HMBOX1: variants seen among roughly 807,000 people sequenced by gnomAD.
The protein encoded by HMBOX1 is homeobox containing 1.
A neutral mutation model predicts 54.5 loss-of-function variants in HMBOX1; 14 were observed. That is an observed-to-expected ratio of 0.26 (90% CI 0.17 to 0.40). HMBOX1 has a LOEUF of 0.40. Ranked by LOEUF, HMBOX1 falls within the 10% of genes least tolerant of loss-of-function variation. The pLI, the probability that HMBOX1 is intolerant of heterozygous loss-of-function variation, is 1.00. For synonymous variants in HMBOX1, 160 were observed against 181.0 expected, an observed-to-expected ratio of 0.88 and a Z score of 0.93; for missense variants, 332 against 514.4, an observed-to-expected ratio of 0.65 and a Z score of 3.43.
intron 4 of HMBOX1, among the ~76,000 whole-genome samples, chr8:28,994,949 G>T (rs554582550): frequency 1.3e-5 from 2 of 152,090 alleles, no homozygotes; most frequent in Non-Finnish European, 2.9e-5. Flanking sequence ...TTAGAAGATT[G>T]AGGGATACTA....
At chr8:29,003,727 G>T (rs978516726) in intron 4 of HMBOX1, among the ~76,000 whole-genome samples, 2 of 151,406 alleles carry the variant, frequency 1.3e-5, no homozygotes, top group Non-Finnish European at 2.9e-5. Flanking sequence ...TTGAATTTTT[G>T]TAGACAATGC....
intron 4 of HMBOX1, among the ~76,000 whole-genome samples, chr8:28,998,158 G>A (rs925968909): frequency 2.0e-5 from 3 of 151,994 alleles, no homozygotes; most frequent in Non-Finnish European, 2.9e-5. Context: ...AATTATGTTC[G>A]TTTCATCTGG....
intron 5 of HMBOX1, among the ~76,000 whole-genome samples, chr8:29,010,562 A>AAT (rs1480078859): frequency 4.6e-5 from 7 of 151,858 alleles, no homozygotes; most frequent in Admixed American, 3.9e-4. Flanking sequence ...CTCAAAAAAA[A>AAT]AATATATATA....
intron 2 of HMBOX1, among the ~76,000 whole-genome samples, chr8:28,966,856 ACT>A (rs1826521461): frequency 1.3e-5 from 2 of 152,116 alleles, no homozygotes; most frequent in African/African-American, 2.4e-5. Context: ...GCATTAGGAA[ACT>A]CTCAGTGCAG....
intron 4 of HMBOX1, among the ~76,000 whole-genome samples, chr8:29,000,862 A>C (rs1327975556): frequency 4.6e-5 from 7 of 152,218 alleles, no homozygotes; most frequent in Non-Finnish European, 8.8e-5. Context: ...CCAAGTTAAA[A>C]TGTCACATGC....
At chr8:29,007,068 C>T (rs1156475215) in intron 4 of HMBOX1, among the ~76,000 whole-genome samples, 1 of 151,924 alleles carries the variant, frequency 6.6e-6, no homozygotes, top group East Asian at 1.9e-4. Flanking sequence ...GCGGGCGGAT[C>T]ACCTGAGGTC....
At chr8:28,992,702 C>T (rs1831162538) in intron 4 of HMBOX1, among the ~76,000 whole-genome samples, 1 of 151,656 alleles carries the variant, frequency 6.6e-6, no homozygotes, top group Non-Finnish European at 1.5e-5. Flanking sequence ...ATCCCCATCT[C>T]TACTAAAAAT....
intron 4 of HMBOX1, among the ~76,000 whole-genome samples, chr8:29,004,780 A>G (rs1250047361): frequency 2.0e-5 from 3 of 151,944 alleles, no homozygotes; most frequent in Non-Finnish European, 4.4e-5. Flanking sequence ...AAGTAGGGGG[A>G]AAGTTAGGGA....
In HMBOX1 at chr8:28,980,107, C is replaced by T; in HGVS notation, c.537C>T (p.Ala179=). The T allele has an allele frequency of 6.2e-7, 1 of 1,613,868 alleles. No homozygotes were observed. Among genetic ancestry groups the T allele is most frequent in the Non-Finnish European group, 8.5e-7 (1 of 1,179,802 alleles). The change falls in exon 4 of 10, where the codon GCC becomes GCT. Residue 179 remains alanine (A), a synonymous_variant. Transcript: ENST00000287701. ...DSSVIKEEIK[A]FLANRRISQA... The stretch of plus-strand genomic sequence containing the variant: ...GTGTGATAAAAGAGGAAATCAAAGC[C>T]TTTCTTGCCAATCGGAGGATTTCCC...
rs538701624 is a variant in HMBOX1, at chr8:29,000,494, A to G, written c.587-8578A>G. On this transcript the variant is annotated intron_variant, in intron 4 of 9. Coordinates refer to ENST00000287701, the MANE Select transcript of HMBOX1 (RefSeq NM_001135726.3). Reference sequence around the variant, plus strand: ...ACTTCTCTGTTGAAATATTTTGGTCAGCTTCTTGTTCACATCAGTTGTTGT... The same window carrying G: ...ACTTCTCTGTTGAAATATTTTGGTCGGCTTCTTGTTCACATCAGTTGTTGT... Among the ~76,000 whole-genome samples, 3 of 152,338 alleles carry G rather than the reference A, an allele frequency of 2.0e-5. No individual in the cohort carries two copies. In the South Asian group the frequency reaches 6.2e-4, roughly 32 times the overall value.
chr8:28,993,269 C>T (rs1399424478), intron 4 of HMBOX1, among the ~76,000 whole-genome samples: 1 of 151,994 alleles, frequency 6.6e-6, no homozygotes, highest in Non-Finnish European at 1.5e-5. Flanking sequence ...ATTTAGATTT[C>T]AATTTGATGA....
intron 1 of HMBOX1, among the ~76,000 whole-genome samples, chr8:28,955,547 A>C (rs1196433797): frequency 6.6e-6 from 1 of 152,084 alleles, no homozygotes; most frequent in Non-Finnish European, 1.5e-5. Flanking sequence ...AAATTCTACC[A>C]AAGTACTTGA....
At chr8:28,941,246 G>A (rs1164474912) in intron 1 of HMBOX1, among the ~76,000 whole-genome samples, 3 of 151,826 alleles carry the variant, frequency 2.0e-5, no homozygotes, top group Admixed American at 2.0e-4. Flanking sequence ...TGTTAACTCT[G>A]GTTAAAATGG....
At chr8:28,997,779 A>G (rs775279512) in intron 4 of HMBOX1, among the ~76,000 whole-genome samples, 2 of 152,036 alleles carry the variant, frequency 1.3e-5, no homozygotes, top group Non-Finnish European at 2.9e-5. Context: ...TTGAACTCCT[A>G]GCCTCAAGTG....
intron 4 of HMBOX1, among the ~76,000 whole-genome samples, chr8:28,980,396 G>A (rs1466866121): frequency 6.6e-6 from 1 of 152,088 alleles, no homozygotes; most frequent in Non-Finnish European, 1.5e-5. Context: ...TCCCTATTTT[G>A]TGGCTAGAAA....
At chr8:28,933,199 G>C (rs1185652639) in intron 1 of HMBOX1, among the ~76,000 whole-genome samples, 2 of 152,164 alleles carry the variant, frequency 1.3e-5, no homozygotes, top group Admixed American at 6.5e-5. Context: ...CCCACATGCA[G>C]ACACTCATCC....
intron 1 of HMBOX1, among the ~76,000 whole-genome samples, chr8:28,919,253 G>A (rs1259820218): frequency 6.6e-6 from 1 of 152,090 alleles, no homozygotes; most frequent in Non-Finnish European, 1.5e-5. Flanking sequence ...CTGTATCCAA[G>A]GGTTCTTCAT....
intron 4 of HMBOX1, among the ~76,000 whole-genome samples, chr8:28,990,934 G>A (rs1460333551): frequency 2.6e-5 from 4 of 152,114 alleles, no homozygotes; most frequent in African/African-American, 9.7e-5. Context: ...GATTACAGGC[G>A]TGAGCTGCTG....
At chr8:29,024,902 G>A (rs1801780323) in intron 6 of HMBOX1, among the ~76,000 whole-genome samples, 1 of 152,176 alleles carries the variant, frequency 6.6e-6, no homozygotes, top group South Asian at 2.1e-4. Context: ...TGTGAGATCA[G>A]CAGCAGCATT....
Sources: allele counts gnomAD v4.1 joint callset (sites outside exome capture counted in the v4.1 genomes callset), GRCh38; gene constraint gnomAD v4.1.1; transcripts MANE v1.5; gene names NCBI Gene and HGNC (gene_info 2026-07-23, HGNC 2026-07-21).